The following FREM2 variants were observed in gnomAD, a reference collection of about 807,000 sequenced individuals.
FREM2 encodes the protein FRAS1-related extracellular matrix protein 2.
A neutral mutation model predicts 219.9 loss-of-function variants in FREM2; 119 were observed. The ratio of observed to expected loss-of-function variants is 0.54; its 90% CI spans 0.47 to 0.63. The LOEUF is 0.63. Among genes scored for constraint, FREM2 ranks in the 30% least tolerant of loss-of-function variants. The probability of loss-of-function intolerance (pLI) is 0.00; values close to 1 mark genes in which losing one functional copy is unlikely to be tolerated. For missense variants in FREM2, 4,030 were observed against 3,993.6 expected, an observed-to-expected ratio of 1.01 and a Z score of -0.25; for synonymous variants, 1,562 against 1,522.8, an observed-to-expected ratio of 1.03 and a Z score of -0.60.
At chr13:38,787,087 G>A (rs1038646779) in intron 6 of FREM2, among the ~76,000 whole-genome samples, 4 of 152,092 alleles carry the variant, frequency 2.6e-5, no homozygotes, top group Non-Finnish European at 5.9e-5. Context: ...TGTAGACAGG[G>A]CAAGTGGCAT....
At chr13:38,747,603 T>A (rs1314170708) in intron 2 of FREM2, among the ~76,000 whole-genome samples, 2 of 152,188 alleles carry the variant, frequency 1.3e-5, no homozygotes, top group Non-Finnish European at 2.9e-5. Flanking sequence ...CATTTGGTTC[T>A]CCAGTCAATA....
Position 38,850,980 on chromosome 13 carries a change from A to T in FREM2, c.6614A>T (p.Asp2205Val). ...TEKPCILELMDDVLYEEVEEL... is the reference protein window; with the variant it reads ...TEKPCILELMVDVLYEEVEEL... The stretch of plus-strand genomic sequence containing the variant: ...AAGCCCTGCATTCTTGAGCTGATGG[A>T]CGATGTGCTCTATGAGGAGGTAGAG... The change falls in exon 10 of 24, where the codon GAC becomes GTC. Residue 2205 changes from aspartate (D) to valine (V), a missense_variant. This residue lies in a region of FREM2 where 3,102 missense variants were observed against 2,950.7 expected (regional missense o/e 1.05). Transcript: ENST00000280481. The T allele has an allele frequency of 6.2e-7, 1 of 1,613,380 alleles. No homozygotes were observed. Among genetic ancestry groups the T allele is most frequent in the South Asian group, 1.1e-5 (1 of 91,038 alleles).
At position 38,691,906 on chromosome 13, in the gene FREM2, C is replaced by T; in HGVS notation, c.4562C>T (p.Thr1521Ile). ...VTDGRNPVFRTFRISISDVDN... is the reference protein window; with the variant it reads ...VTDGRNPVFRIFRISISDVDN... ...GATGGACGTAACCCTGTCTTTCGGA[C>T]ATTCCGTATCTCCATTAGCGATGTG... is the stretch of plus-strand genomic sequence containing the variant. The change falls in exon 1 of 24, where the codon ACA becomes ATA. Residue 1521 changes from threonine (T) to isoleucine (I), a missense_variant. Thr to Ile is a moderately conservative substitution (Grantham distance 89). This residue lies in a region of FREM2 where 3,102 missense variants were observed against 2,950.7 expected (regional missense o/e 1.05). Transcript: ENST00000280481. 1.2e-6 allele frequency: 2 copies of T among 1,614,156 alleles called. No homozygotes were observed. Among genetic ancestry groups the T allele is most frequent in the South Asian group, 1.1e-5 (1 of 91,082 alleles).
chr13:38,786,099 A>G (rs577482258), intron 6 of FREM2, among the ~76,000 whole-genome samples: 2 of 152,292 alleles, frequency 1.3e-5, no homozygotes, highest in African/African-American at 4.8e-5. Context: ...GAAGCTATGT[A>G]ATGTATTATT....
chr13:38,751,987 C>T (rs1315013454), intron 2 of FREM2, among the ~76,000 whole-genome samples: 1 of 152,082 alleles, frequency 6.6e-6, no homozygotes, highest in African/African-American at 2.4e-5. Flanking sequence ...TTTTGTGGCT[C>T]TGGCACAATT....
intron 6 of FREM2, among the ~76,000 whole-genome samples, chr13:38,804,399 G>A (rs912822929): frequency 1.3e-5 from 2 of 151,394 alleles, no homozygotes; most frequent in Non-Finnish European, 2.9e-5. Flanking sequence ...CAAACAGTAT[G>A]TATAAAATAT....
At chr13:38,795,325 TA>T (rs1874726786) in intron 6 of FREM2, among the ~76,000 whole-genome samples, 1 of 107,748 alleles carries the variant, frequency 9.3e-6, no homozygotes, top group Admixed American at 9.7e-5. Context: ...CTTTCCAACA[TA>T]TTTTTTTTTT....
chr13:38,687,984 G>A lies in FREM2; in HGVS notation c.640G>A (p.Glu214Lys), dbSNP rs1869568718. 1 of 1,612,788 alleles carries A rather than the reference G, an allele frequency of 6.2e-7. No homozygotes were observed. The highest frequency in any genetic ancestry group is 8.5e-7 in the Non-Finnish European group (1 of 1,179,262). Residue 214 changes from glutamate to lysine, a missense_variant, in exon 1 of 24, where the codon GAG (glutamate) becomes AAG (lysine). Coordinates refer to ENST00000280481, the MANE Select transcript of FREM2 (RefSeq NM_207361.6). ...GGAGTTCGCCTTCCAGCCCGAGACA[G>A]AGGAGTGCCGCGTGGGCATCCTGTC... ...SLEFAFQPET[E>K]ECRVGILSGL...
rs761616009 is a variant in FREM2 at position 38,688,549 on chromosome 13, C to T, written c.1205C>T (p.Ser402Phe). 6 of 1,613,660 alleles carry T rather than the reference C, an allele frequency of 3.7e-6. No homozygotes were observed. In the Admixed American group the frequency reaches 6.7e-5, roughly 18 times the overall value. The change falls in exon 1 of 24, where the codon TCT becomes TTT. Residue 402 changes from serine to phenylalanine, a missense_variant. Ser to Phe is a radical substitution (Grantham distance 155). Transcript: ENST00000280481. ...GCCTACCAGCCCCCTTCTGAAGACT[C>T]TGACCAGGAGCGCCTCTTTGAACTG... ...KIAYQPPSED[S>F]DQERLFELEL...
intron 2 of FREM2, among the ~76,000 whole-genome samples, chr13:38,735,427 T>A (rs1871951349): frequency 6.6e-6 from 1 of 152,164 alleles, no homozygotes; most frequent in African/African-American, 2.4e-5. Context: ...AGAAAGGAAT[T>A]ATCTGCTCTC....
In FREM2 at chr13:38,689,118, G is replaced by T. The variant is rs368864300; in HGVS notation, c.1774G>T (p.Asp592Tyr). 1.2e-6 allele frequency: 2 copies of T among 1,613,900 alleles called. No individual in the cohort carries two copies. Among genetic ancestry groups the T allele is most frequent in the Admixed American group, 1.7e-5 (1 of 60,022 alleles). The change falls in exon 1 of 24, where the codon GAT becomes TAT. Residue 592 changes from aspartate (D) to tyrosine (Y), a missense_variant. Coordinates refer to ENST00000280481, the MANE Select transcript of FREM2 (RefSeq NM_207361.6). ...CCTGAGTGCAACTGACATGGATTCA[G>T]ATGATTCTCTGCTGCTTTTTGTGCT... Reference protein sequence around the residue: ...LSLSATDMDSDDSLLLFVLES... With the variant: ...LSLSATDMDSYDSLLLFVLES...
rs1407947452 is a variant in FREM2, at chr13:38,688,191, G to A, written c.847G>A (p.Val283Met). The change falls in exon 1 of 24, where the codon GTG (valine) becomes ATG (methionine). Residue 283 changes from valine to methionine, a missense_variant. Around this residue, in one of 2 missense-constraint regions of FREM2, gnomAD observed 3,102 missense variants for 2,950.7 expected, o/e 1.05. Transcript: ENST00000280481. ...RSPNRDWIPMVVELRSRGAPV... is the reference protein window; with the variant it reads ...RSPNRDWIPMMVELRSRGAPV... ...ACCAAACAGGGACTGGATACCCATGGTGGTGGAGCTGCGTTCACGAGGGGC... is the reference window on the plus strand; with the variant it reads ...ACCAAACAGGGACTGGATACCCATGATGGTGGAGCTGCGTTCACGAGGGGC... 12 of 1,613,268 alleles carry A rather than the reference G, an allele frequency of 7.4e-6. No homozygotes were observed. The highest frequency in any genetic ancestry group is 1.0e-5 in the Non-Finnish European group (12 of 1,179,688).
At position 38,817,307 on chromosome 13, in the gene FREM2, A is replaced by AT. The variant is rs553153741; in HGVS notation, c.6020-29266_6020-29265insT. On this transcript the variant is annotated intron_variant, in intron 6 of 23. Coordinates refer to ENST00000280481, the MANE Select transcript of FREM2 (RefSeq NM_207361.6). ...GAAGCTTCATACTACCTCACTTCAA[A>AT]ATATACTACAAAGCTATAGTAAGTA... 7.8e-4 allele frequency among the ~76,000 whole-genome samples: 119 copies of AT among 152,240 alleles called. 1 individual carries two copies. Among genetic ancestry groups the AT allele is most frequent in the African/African-American group, 2.7e-3 (113 of 41,558 alleles).
intron 4 of FREM2, among the ~76,000 whole-genome samples, chr13:38,782,385 G>A (rs758929747): frequency 1.3e-5 from 2 of 152,006 alleles, no homozygotes; most frequent in African/African-American, 4.8e-5. Context: ...CCCTTTGACT[G>A]TGTTAAAAAA....
intron 4 of FREM2, among the ~76,000 whole-genome samples, chr13:38,772,819 C>T (rs1213646885): frequency 2.0e-5 from 3 of 152,008 alleles, no homozygotes; most frequent in African/African-American, 7.2e-5. Context: ...GTCTCATCCT[C>T]CTGAGTAGCC....
intron 4 of FREM2, among the ~76,000 whole-genome samples, chr13:38,775,122 G>C: frequency 6.6e-6 from 1 of 152,184 alleles, no homozygotes; most frequent in South Asian, 2.1e-4. Flanking sequence ...ACAAAAATCT[G>C]TATTCTGAAT....
intron 2 of FREM2, among the ~76,000 whole-genome samples, chr13:38,741,124 A>G (rs1044328232): frequency 6.6e-6 from 1 of 152,224 alleles, no homozygotes; most frequent in African/African-American, 2.4e-5. Context: ...TAAATATCTC[A>G]CATCAGACAG....
rs537489361 is a variant in FREM2, at chr13:38,784,584, C to G, written c.5795C>G (p.Ser1932Cys). The change falls in exon 6 of 24, where the codon TCC becomes TGC. Residue 1932 changes from serine to cysteine, a missense_variant. Coordinates refer to ENST00000280481, the MANE Select transcript of FREM2 (RefSeq NM_207361.6). The part of the protein sequence containing the change: ...QGTATGTVPT[S>C]VLSYSDYISR... Reference sequence around the variant, plus strand: ...ACAGCAACTGGAACTGTGCCGACTTCCGTGTTGTCTTACTCTGATTACATA... The same window carrying G: ...ACAGCAACTGGAACTGTGCCGACTTGCGTGTTGTCTTACTCTGATTACATA... The G allele has an allele frequency of 6.2e-7, 1 of 1,614,198 alleles. No homozygotes were observed.
chr13:38,879,069 G>A, intron 23 of FREM2, 92 bp downstream of exon 23: 1 of 1,147,158 alleles, frequency 8.7e-7, no homozygotes, highest in South Asian at 1.2e-5. Flanking sequence ...TATGTAAATA[G>A]CAGTAATAGT....
Sources: allele counts gnomAD v4.1 joint callset (sites outside exome capture counted in the v4.1 genomes callset), GRCh38; gene constraint gnomAD v4.1.1; regional missense constraint gnomAD v4.1.1; transcripts MANE v1.5; gene names NCBI Gene and HGNC (gene_info 2026-07-23, HGNC 2026-07-21).